PEBP4: variants seen among roughly 807,000 people sequenced by gnomAD.
PEBP4 encodes phosphatidylethanolamine-binding protein 4.
A neutral mutation model predicts 23.9 loss-of-function variants in PEBP4; 22 were observed. The ratio of observed to expected loss-of-function variants is 0.92; its 90% CI spans 0.66 to 1.31. The LOEUF is 1.31. Ranked by LOEUF, PEBP4 falls within the 40% of genes most tolerant of loss-of-function variation. PEBP4 has a pLI of 0.00. For synonymous variants in PEBP4, 112 were observed against 99.3 expected (o/e 1.13, Z -0.76); for missense variants, 324 against 281.7 (o/e 1.15, Z -1.07).
At chr8:22,940,992 G>T (rs1024390698) in intron 1 of PEBP4, among the ~76,000 whole-genome samples, 6 of 152,166 alleles carry the variant, frequency 3.9e-5, no homozygotes, top group African/African-American at 1.2e-4. Context: ...AGGGGAGAAA[G>T]TTCCCTCCAG....
chr8:22,887,702 C>T (rs1314479531), intron 3 of PEBP4: 1 of 152,138 alleles, frequency 6.6e-6, no homozygotes, highest in Non-Finnish European at 1.5e-5. Flanking sequence ...GAAGTCGAGG[C>T]TGCAGTGAGC....
At chr8:22,908,212 G>A (rs571602929) in intron 3 of PEBP4, among the ~76,000 whole-genome samples, 2 of 152,152 alleles carry the variant, frequency 1.3e-5, no homozygotes, top group African/African-American at 4.8e-5. Flanking sequence ...GCAGGAAATC[G>A]TTGTTATGTG....
At chr8:22,806,355 AC>A (rs1299381744) in intron 4 of PEBP4, among the ~76,000 whole-genome samples, 1 of 152,102 alleles carries the variant, frequency 6.6e-6, no homozygotes, top group African/African-American at 2.4e-5. Context: ...GGTGGCTCAC[AC>A]CTGTGATCCC....
chr8:22,745,690 C>T (rs1805098576), intron 4 of PEBP4: 1 of 152,244 alleles, frequency 6.6e-6, no homozygotes, highest in Non-Finnish European at 1.5e-5. Context: ...CTCTCCTCTG[C>T]CTGAGAGCAA....
intron 3 of PEBP4, among the ~76,000 whole-genome samples, chr8:22,912,474 C>T (rs1209976973): frequency 1.3e-5 from 2 of 152,156 alleles, no homozygotes; most frequent in African/African-American, 2.4e-5. Context: ...CGGGGGATTC[C>T]GGAGGCAAAA....
rs1206993091 is a variant in PEBP4, at chr8:22,735,193, A to G, written c.358-7973T>C. 2.0e-4 allele frequency among the ~76,000 whole-genome samples: 31 copies of G among 152,244 alleles called. 1 individual carries two copies. Among genetic ancestry groups the G allele is most frequent in the Admixed American group, 2.0e-3 (31 of 15,290 alleles). On this transcript the variant is annotated intron_variant, in intron 4 of 6. Coordinates refer to ENST00000256404, the MANE Select transcript of PEBP4 (RefSeq NM_144962.3). ...AGGAGCCTCTGATCTGCTAGAACAGATAGATCACAAAGAAATAATAATTAC... is the reference window on the plus strand; with the variant it reads ...AGGAGCCTCTGATCTGCTAGAACAGGTAGATCACAAAGAAATAATAATTAC...
At chr8:22,815,582 T>A (rs1443672102) in intron 4 of PEBP4, among the ~76,000 whole-genome samples, 1 of 152,208 alleles carries the variant, frequency 6.6e-6, no homozygotes, top group Non-Finnish European at 1.5e-5. Flanking sequence ...TGGATATCGC[T>A]GCCGCTTCCT....
intron 4 of PEBP4, among the ~76,000 whole-genome samples, chr8:22,753,668 C>G (rs991703265): frequency 6.6e-6 from 1 of 152,198 alleles, no homozygotes; most frequent in Non-Finnish European, 1.5e-5. Flanking sequence ...CTTGCTGAAG[C>G]CCTTCCTGGT....
At chr8:22,857,964 C>T (rs531153072) in intron 3 of PEBP4, among the ~76,000 whole-genome samples, 13 of 152,284 alleles carry the variant, frequency 8.5e-5, no homozygotes, top group South Asian at 6.2e-4. Context: ...CGATGCTTCA[C>T]GGACCGTCCA....
At chr8:22,776,528 G>A (rs1395328317) in intron 4 of PEBP4, among the ~76,000 whole-genome samples, 8 of 151,916 alleles carry the variant, frequency 5.3e-5, no homozygotes, top group South Asian at 2.1e-4. Flanking sequence ...CTGGTCTTTC[G>A]TTCCGGCTGC....
At chr8:22,732,671 C>T (rs1344694890) in intron 4 of PEBP4, among the ~76,000 whole-genome samples, 1 of 143,976 alleles carries the variant, frequency 6.9e-6, no homozygotes, top group African/African-American at 2.5e-5. Flanking sequence ...TGTGTATGCA[C>T]ATGTGTGTAT....
At chr8:22,819,406 C>T (rs772645574) in intron 3 of PEBP4, among the ~76,000 whole-genome samples, 5 of 152,072 alleles carry the variant, frequency 3.3e-5, no homozygotes, top group Admixed American at 6.5e-5. Context: ...CACGATAAGA[C>T]CAGTTTCAGT....
chr8:22,770,476 T>C (rs1191017517), intron 4 of PEBP4, among the ~76,000 whole-genome samples: 1 of 152,168 alleles, frequency 6.6e-6, no homozygotes, highest in African/African-American at 2.4e-5. Flanking sequence ...ACCCTCCCAC[T>C]GCGCATCCTT....
At chr8:22,730,383 A>G (rs895852052) in intron 4 of PEBP4, among the ~76,000 whole-genome samples, 3 of 152,194 alleles carry the variant, frequency 2.0e-5, no homozygotes, top group African/African-American at 7.2e-5. Flanking sequence ...TCTACAAAAA[A>G]TGCAAAAATT....
rs549217521 is a variant in PEBP4 at position 22,721,046 on chromosome 8, A to G, written c.517+3797T>C. ...GTGGCACGGCAGGGTTTCATCAGCT[A>G]GAAGTGGGGTAGCTCTAAGCCCCTC... On this transcript the variant is annotated intron_variant, in intron 6 of 6. Transcript: ENST00000256404. 4.6e-5 allele frequency among the ~76,000 whole-genome samples: 7 copies of G among 152,262 alleles called. No individual in the cohort carries two copies. The East Asian group carries it at 1.4e-3, about 29-fold the overall frequency.
intron 5 of PEBP4, among the ~76,000 whole-genome samples, chr8:22,725,429 T>C (rs914141057): frequency 7.2e-6 from 1 of 138,872 alleles, no homozygotes; most frequent in Admixed American, 7.3e-5. Context: ...GGTCTGGAAG[T>C]GGTTACGAGG....
intron 3 of PEBP4, chr8:22,879,158 A>C (rs1808190251): frequency 6.6e-6 from 1 of 152,292 alleles, no homozygotes. Flanking sequence ...GATGAAGACC[A>C]GACATGGAGG....
intron 4 of PEBP4, among the ~76,000 whole-genome samples, chr8:22,760,279 A>T (rs1379635888): frequency 6.6e-6 from 1 of 152,154 alleles, no homozygotes; most frequent in Non-Finnish European, 1.5e-5. Flanking sequence ...GGAAGTGAAC[A>T]CAGGCAGTTT....
intron 3 of PEBP4, among the ~76,000 whole-genome samples, chr8:22,919,964 A>G (rs1809165090): frequency 6.6e-6 from 1 of 152,164 alleles, no homozygotes; most frequent in South Asian, 2.1e-4. Flanking sequence ...GGCCTCAACC[A>G]TCACCAAAGT....
Sources: gnomAD v4.1 joint callset for allele counts (sites outside exome capture counted in the v4.1 genomes callset) on GRCh38, gnomAD v4.1.1 for gene constraint, MANE v1.5 for transcripts, NCBI Gene and HGNC (gene_info 2026-07-23, HGNC 2026-07-21) for gene names.